The following MLIP variants were observed in gnomAD, a reference collection of about 807,000 sequenced individuals.
MLIP encodes the protein muscular LMNA-interacting protein.
MLIP carries 79 observed loss-of-function variants against 84.8 expected under a neutral mutation model. The ratio of observed to expected loss-of-function variants is 0.93; its 90% CI spans 0.78 to 1.12. The LOEUF (loss-of-function observed/expected upper bound fraction) is 1.12. Ranked by LOEUF, MLIP falls within the 50% of genes most tolerant of loss-of-function variation. The probability of loss-of-function intolerance (pLI) is 0.00; values close to 1 mark genes in which losing one functional copy is unlikely to be tolerated. For missense variants in MLIP, 1,257 were observed against 1,160.6 expected, an observed-to-expected ratio of 1.08 and a Z score of -1.21; for synonymous variants, 504 against 463.0, an observed-to-expected ratio of 1.09 and a Z score of -1.14.
At chr6:54,258,443 C>T (rs1390548154) in intron 13 of MLIP, among the ~76,000 whole-genome samples, 1 of 151,982 alleles carries the variant, frequency 6.6e-6, no homozygotes, top group Non-Finnish European at 1.5e-5. Context: ...AATAGGTATG[C>T]ATTTATATCC....
intron 4 of MLIP, among the ~76,000 whole-genome samples, chr6:54,147,384 A>G (rs537748566): frequency 6.6e-6 from 1 of 152,272 alleles, no homozygotes; most frequent in South Asian, 2.1e-4. Context: ...GAAAGATAGT[A>G]TTTCAATTTC....
chr6:54,041,783 T>C (rs893406753), intron 1 of MLIP, among the ~76,000 whole-genome samples: 1 of 152,110 alleles, frequency 6.6e-6, no homozygotes, highest in Non-Finnish European at 1.5e-5. Flanking sequence ...TCGATTAGTT[T>C]AGGCCAGTGT....
intron 1 of MLIP, among the ~76,000 whole-genome samples, chr6:54,091,796 C>T (rs1210755892): frequency 6.6e-6 from 1 of 152,188 alleles, no homozygotes; most frequent in Admixed American, 6.6e-5. Flanking sequence ...TATACCAACA[C>T]TTGTTGTTTC....
chr6:54,175,139 TG>T (rs1776156478), intron 9 of MLIP, among the ~76,000 whole-genome samples: 1 of 152,096 alleles, frequency 6.6e-6, no homozygotes. Context: ...CATGTTGTTT[TG>T]GTTACTATAG....
At chr6:54,147,915 A>G (rs536645785) in intron 4 of MLIP, among the ~76,000 whole-genome samples, 1 of 152,096 alleles carries the variant, frequency 6.6e-6, no homozygotes, top group Non-Finnish European at 1.5e-5. Flanking sequence ...GAAAAAGAGA[A>G]TGCATTCTGC....
chr6:54,141,312 CT>C (rs376576497), intron 4 of MLIP, among the ~76,000 whole-genome samples: 163 of 128,248 alleles, frequency 1.3e-3, no homozygotes, highest in Non-Finnish European at 1.5e-3. Flanking sequence ...CTCAGCCTGC[CT>C]TTTTTTTTTT....
intron 1 of MLIP, among the ~76,000 whole-genome samples, chr6:54,075,646 G>A (rs1197629251): frequency 1.3e-5 from 2 of 152,134 alleles, no homozygotes; most frequent in African/African-American, 4.8e-5. Flanking sequence ...AAAAGTCAAA[G>A]TGCTATTTTT....
intron 1 of MLIP, among the ~76,000 whole-genome samples, chr6:54,050,539 T>C (rs1197358829): frequency 6.6e-6 from 1 of 152,206 alleles, no homozygotes; most frequent in Non-Finnish European, 1.5e-5. Context: ...GATATTATCC[T>C]TATTTGACAG....
chr6:54,158,259 G>T (rs1266954679), intron 5 of MLIP, among the ~76,000 whole-genome samples: 1 of 152,034 alleles, frequency 6.6e-6, no homozygotes, highest in Non-Finnish European at 1.5e-5. Context: ...TGAGAAATAG[G>T]TGGCAAATCT....
Position 54,187,135 on chromosome 6 carries a change from G to A in MLIP, c.2545-2735G>A, listed in dbSNP as rs141272720. Among the ~76,000 whole-genome samples the A allele has an allele frequency of 1.5e-3, 226 of 152,280 alleles. 1 individual carries two copies. Among genetic ancestry groups the A allele is most frequent in the African/African-American group, 5.2e-3 (216 of 41,552 alleles). ...AGTGTGGGGATTATGTGATAATGTG[G>A]GGATCTGCCATCTAGAGATTTAGGA... On this transcript the variant is annotated intron_variant, in intron 9 of 13. Coordinates refer to ENST00000502396, the MANE Select transcript of MLIP (RefSeq NM_001281747.2).
At chr6:54,153,875 A>G (rs1318054420) in intron 5 of MLIP, among the ~76,000 whole-genome samples, 2 of 142,960 alleles carry the variant, frequency 1.4e-5, no homozygotes, top group Non-Finnish European at 3.1e-5. Context: ...AAAAATCTTT[A>G]TGTCTTAAAA....
At chr6:54,022,663 A>G (rs900741633) in intron 1 of MLIP, among the ~76,000 whole-genome samples, 3 of 151,624 alleles carry the variant, frequency 2.0e-5, no homozygotes, top group African/African-American at 4.9e-5. Flanking sequence ...TTCTACTGAA[A>G]TTTCATAATG....
At chr6:54,116,544 A>G (rs894354882) in intron 1 of MLIP, among the ~76,000 whole-genome samples, 2 of 152,234 alleles carry the variant, frequency 1.3e-5, no homozygotes, top group African/African-American at 4.8e-5. Context: ...AGAATGAATT[A>G]TGAAGAACAG....
intron 6 of MLIP, 41 bp downstream of exon 6, chr6:54,160,473 C>CA (rs753068027): frequency 6.2e-7 from 1 of 1,611,144 alleles, no homozygotes; most frequent in South Asian, 1.1e-5. Flanking sequence ...TATGCAATTC[C>CA]AAAACTTATT....
At chr6:54,131,238 T>C (rs912927969) in intron 3 of MLIP, among the ~76,000 whole-genome samples, 8 of 152,208 alleles carry the variant, frequency 5.3e-5, no homozygotes, top group Non-Finnish European at 8.8e-5. Flanking sequence ...TCTCACCAGG[T>C]TGAAATCAAG....
chr6:54,124,507 G>A lies in MLIP; in HGVS notation c.287G>A (p.Gly96Glu). The part of the protein sequence containing the change: ...KSNDYLTLNA[G>E]SQQERDQAKL... ...AATGACTACTTGACCTTGAATGCTG[G>A]GAGCCAACAAGAGAGAGACCAAGCG... Residue 96 changes from glycine to glutamate, a missense_variant, in exon 3 of 14, where the codon GGG becomes GAG. By Grantham distance (98) the Gly-to-Glu change is moderately conservative. Coordinates refer to ENST00000502396, the MANE Select transcript of MLIP (RefSeq NM_001281747.2). 1 of 1,613,940 alleles carries A rather than the reference G, an allele frequency of 6.2e-7. No homozygotes were observed. The highest frequency in any genetic ancestry group is 8.5e-7 in the Non-Finnish European group (1 of 1,179,956).
intron 9 of MLIP, among the ~76,000 whole-genome samples, chr6:54,186,162 G>T (rs569680561): frequency 1.3e-5 from 2 of 152,254 alleles, no homozygotes; most frequent in South Asian, 4.1e-4. Flanking sequence ...TGATAACATG[G>T]AACCATGAGG....
intron 5 of MLIP, among the ~76,000 whole-genome samples, chr6:54,158,077 G>C (rs542825095): frequency 1.3e-5 from 2 of 152,200 alleles, no homozygotes; most frequent in South Asian, 2.1e-4. Flanking sequence ...CAAAATGGCA[G>C]TTCTAGCATC....
intron 1 of MLIP, among the ~76,000 whole-genome samples, chr6:54,114,498 A>AT (rs1387175477): frequency 2.6e-5 from 4 of 152,006 alleles, no homozygotes; most frequent in Non-Finnish European, 5.9e-5. Flanking sequence ...TCCACTTCCA[A>AT]TTTTTCAACA....
Sources: gnomAD v4.1 joint callset for allele counts (sites outside exome capture counted in the v4.1 genomes callset) on GRCh38, gnomAD v4.1.1 for gene constraint, MANE v1.5 for transcripts, NCBI Gene and HGNC (gene_info 2026-07-23, HGNC 2026-07-21) for gene names.